The following MALRD1 variants were observed in gnomAD, a reference collection of about 807,000 sequenced individuals.
MALRD1 encodes MAM and LDL receptor class A domain containing 1.
In MALRD1, 247 loss-of-function variants were observed where a neutral mutation model predicts 242.1. That is an observed-to-expected ratio of 1.02 (90% CI 0.92 to 1.13). The LOEUF (loss-of-function observed/expected upper bound fraction) is 1.13, where lower values mean the gene tolerates loss of function less well. MALRD1 is among the 50% of genes most tolerant of loss of function. The pLI is 0.00. For missense variants in MALRD1, 2,989 were observed against 2,533.1 expected (o/e 1.18, Z -3.86); for synonymous variants, 995 against 866.6 (o/e 1.15, Z -2.60).
intron 1 of MALRD1, among the ~76,000 whole-genome samples, chr10:19,050,355 G>A (rs1428200664): frequency 6.6e-6 from 1 of 151,260 alleles, no homozygotes; most frequent in Non-Finnish European, 1.5e-5. Flanking sequence ...CCAAAGTGCT[G>A]GGATTACAGG....
chr10:19,681,732 A>G (rs983693575), intron 36 of MALRD1, among the ~76,000 whole-genome samples: 1 of 152,074 alleles, frequency 6.6e-6, no homozygotes, highest in African/African-American at 2.4e-5. Flanking sequence ...TTGGAGGAAA[A>G]GAGGCACTCT....
chr10:19,317,123 G>C (rs1178965868), intron 21 of MALRD1, among the ~76,000 whole-genome samples: 4 of 150,986 alleles, frequency 2.6e-5, no homozygotes, highest in African/African-American at 4.9e-5. Flanking sequence ...TGGCTCATTT[G>C]GGCCCCTGTT....
At chr10:19,062,255 C>T (rs1834844771) in intron 1 of MALRD1, among the ~76,000 whole-genome samples, 1 of 152,046 alleles carries the variant, frequency 6.6e-6, no homozygotes, top group African/African-American at 2.4e-5. Context: ...CTATTATAAC[C>T]ATCCAAAAAA....
At position 19,133,951 on chromosome 10, in the gene MALRD1, A is replaced by G; in HGVS notation, c.1203+3A>G. The G allele has an allele frequency of 8.2e-7, 1 of 1,214,346 alleles. No homozygotes were observed. The highest frequency in any genetic ancestry group is 1.0e-6 in the Non-Finnish European group (1 of 972,444). The allele number at this position is 1,214,346 out of a possible 1,614,324, so 75.2% of individuals were successfully genotyped here. The stretch of plus-strand genomic sequence containing the variant: ...CAGAAGATCTGAAGACATTTAAGGT[A>G]TGAAAGAAAAAAAAAAAGTATTTTT... On this transcript the variant is annotated splice_donor_region_variant and intron_variant, in intron 9 of 39. Transcript: ENST00000454679.
At chr10:19,196,542 T>G (rs1836262589) in intron 14 of MALRD1, among the ~76,000 whole-genome samples, 1 of 151,646 alleles carries the variant, frequency 6.6e-6, no homozygotes, top group Non-Finnish European at 1.5e-5. Context: ...CTTTGTTTTT[T>G]TTTTTTTTTT....
In MALRD1 at chr10:19,303,488, A is replaced by G. The variant is rs913306715; in HGVS notation, c.3419+20307A>G. ...TTGCAGAGGAGAAAATGAATAGACA[A>G]AACAGTAAATACATAGAATTAATGC... On this transcript the variant is annotated intron_variant, in intron 21 of 39. Transcript: ENST00000454679. Among the ~76,000 whole-genome samples, 4 of 151,754 alleles carry G rather than the reference A, an allele frequency of 2.6e-5. No individual in the cohort carries two copies. The East Asian group carries it at 5.8e-4, about 22-fold the overall frequency.
In MALRD1 at chr10:19,108,387, C is replaced by CTTTTTTTTTTTTTTTTTTTTTTTTTT. The variant is rs35948766; in HGVS notation, c.694+4325_694+4350dup. On this transcript the variant is annotated intron_variant, in intron 5 of 39. Coordinates refer to ENST00000454679, the MANE Select transcript of MALRD1 (RefSeq NM_001142308.3). ...TTATTGAGCTCATGAATTGTTTTTTCTTTTTTTTTTTTTTTTTTTTTTTTT... is the reference window on the plus strand; with the variant it reads ...TTATTGAGCTCATGAATTGTTTTTTCTTTTTTTTTTTTTTTTTTTTTTTTTTTTTTTTTTTTTTTTTTTTTTTTTTT... Among the ~76,000 whole-genome samples, 4 of 19,764 alleles carry CTTTTTTTTTTTTTTTTTTTTTTTTTT rather than the reference C, an allele frequency of 2.0e-4. 2 individuals are homozygous for CTTTTTTTTTTTTTTTTTTTTTTTTTT. Among genetic ancestry groups the CTTTTTTTTTTTTTTTTTTTTTTTTTT allele is most frequent in the Non-Finnish European group, 3.2e-4 (4 of 12,506 alleles). The allele number at this position is 19,764 out of a possible 152,430, so 13.0% of individuals were successfully genotyped here. A position where few individuals can be genotyped will look rare whatever the true frequency, so the allele number is the denominator to read the frequency against.
At chr10:19,610,228 C>T (rs985920777) in intron 35 of MALRD1, among the ~76,000 whole-genome samples, 15 of 151,894 alleles carry the variant, frequency 9.9e-5, no homozygotes, top group Middle Eastern at 3.4e-3. Flanking sequence ...GTGGTACGAA[C>T]GTTGAAGAGC....
At chr10:19,257,008 C>G (rs1176175435) in intron 18 of MALRD1, among the ~76,000 whole-genome samples, 1 of 152,026 alleles carries the variant, frequency 6.6e-6, no homozygotes, top group Non-Finnish European at 1.5e-5. Context: ...TACAGTAAAT[C>G]TCAACCCTAA....
chr10:19,609,968 T>C (rs2131596843), intron 35 of MALRD1, among the ~76,000 whole-genome samples: 1 of 152,070 alleles, frequency 6.6e-6, no homozygotes, highest in East Asian at 1.9e-4. Flanking sequence ...ATGATGATGA[T>C]GATGATACAG....
chr10:19,589,690 G>GT lies in MALRD1; in HGVS notation c.5681-5498dup, dbSNP rs540638342. Among the ~76,000 whole-genome samples, 165 of 152,214 alleles carry GT rather than the reference G, an allele frequency of 1.1e-3. 1 individual carries two copies. Among genetic ancestry groups the GT allele is most frequent in the African/African-American group, 3.8e-3 (159 of 41,522 alleles). On this transcript the variant is annotated intron_variant, in intron 33 of 39. Coordinates refer to ENST00000454679, the MANE Select transcript of MALRD1 (RefSeq NM_001142308.3). The stretch of plus-strand genomic sequence containing the variant: ...GTCATCTTGTCAAAATTAATCAACA[G>GT]TTTTTTGGAATGTTTTTATTTTCTC...
At chr10:19,600,522 G>C (rs1356696041) in intron 34 of MALRD1, among the ~76,000 whole-genome samples, 2 of 152,190 alleles carry the variant, frequency 1.3e-5, no homozygotes, top group East Asian at 3.9e-4. Context: ...CCATCCTGCT[G>C]TATGTTAGGT....
rs537020151 is a variant in MALRD1 at position 19,108,483 on chromosome 10, C to T, written c.694+4408C>T. 1.2e-4 allele frequency among the ~76,000 whole-genome samples: 3 copies of T among 24,802 alleles called. 1 individual carries two copies. The highest frequency in any genetic ancestry group is 1.8e-4 in the Non-Finnish European group (3 of 16,620). 16.3% of individuals were successfully genotyped at this position (24,802 alleles called of 152,430 possible). Reference sequence around the variant, plus strand: ...ACTGCGGACTGCAGTGGCGCAATCTCGGCTCACTGCAAGCTCCGCTTCCCG... The same window carrying T: ...ACTGCGGACTGCAGTGGCGCAATCTTGGCTCACTGCAAGCTCCGCTTCCCG... On this transcript the variant is annotated intron_variant, in intron 5 of 39. Transcript: ENST00000454679.
intron 19 of MALRD1, among the ~76,000 whole-genome samples, chr10:19,258,333 A>G (rs542450741): frequency 8.1e-4 from 124 of 152,270 alleles, no homozygotes; most frequent in African/African-American, 2.8e-3. Flanking sequence ...CTTAAAGATA[A>G]TGATAGAAAA....
At chr10:19,190,658 ATTTTT>A (rs35922631) in intron 14 of MALRD1, among the ~76,000 whole-genome samples, 106 of 145,058 alleles carry the variant, frequency 7.3e-4, no homozygotes, top group Non-Finnish European at 8.3e-4. Flanking sequence ...TGAACAAGTG[ATTTTT>A]TTTTTTTTTT....
chr10:19,370,996 T>C (rs570436220), intron 26 of MALRD1, among the ~76,000 whole-genome samples: 104 of 150,154 alleles, frequency 6.9e-4, no homozygotes, highest in African/African-American at 2.3e-3. Context: ...TTTTTTTTGG[T>C]ATTGTTGGAT....
At chr10:19,270,509 C>A (rs986521969) in intron 19 of MALRD1, among the ~76,000 whole-genome samples, 1 of 151,788 alleles carries the variant, frequency 6.6e-6, no homozygotes, top group Non-Finnish European at 1.5e-5. Flanking sequence ...AAGGGGAAAT[C>A]TCCAGGTGAG....
intron 15 of MALRD1, 97 bp from the exon 16 acceptor site, chr10:19,204,211 A>G: frequency 2.5e-6 from 2 of 786,738 alleles, no homozygotes; most frequent in Non-Finnish European, 4.1e-6. Context: ...TTTCAGTTAG[A>G]CAATGATCTT....
intron 31 of MALRD1, among the ~76,000 whole-genome samples, chr10:19,523,346 G>C (rs1390280970): frequency 6.6e-6 from 1 of 152,136 alleles, no homozygotes; most frequent in Non-Finnish European, 1.5e-5. Flanking sequence ...CTATTCTTCT[G>C]TTCTTACTTG....
Sources: allele counts gnomAD v4.1 joint callset (sites outside exome capture counted in the v4.1 genomes callset), GRCh38; gene constraint gnomAD v4.1.1; transcripts MANE v1.5; gene names NCBI Gene and HGNC (gene_info 2026-07-23, HGNC 2026-07-21).